The following IQSEC3 variants were observed in gnomAD, a reference collection of about 807,000 sequenced individuals.
IQSEC3 encodes IQ motif and Sec7 domain ArfGEF 3.
Under a neutral mutation model 105.4 loss-of-function variants are expected in IQSEC3, and 50 were observed. The ratio of observed to expected loss-of-function variants is 0.47; its 90% CI spans 0.38 to 0.60. The LOEUF is 0.60. Ranked by LOEUF, IQSEC3 falls within the 20% of genes least tolerant of loss-of-function variation. IQSEC3 has a pLI of 0.00. For missense variants in IQSEC3, 1,415 were observed against 1,630.0 expected (o/e 0.87, Z 2.27); for synonymous variants, 708 against 746.0 (o/e 0.95, Z 0.83).
chr12:168,005 G>C (rs1193213869), intron 11 of IQSEC3, among the ~76,000 whole-genome samples: 2 of 152,214 alleles, frequency 1.3e-5, no homozygotes, highest in Non-Finnish European at 2.9e-5. Flanking sequence ...GGGATGGTGT[G>C]ATTTAGGCAA....
At chr12:128,933 T>C (rs1179001554) in intron 3 of IQSEC3, among the ~76,000 whole-genome samples, 1 of 152,190 alleles carries the variant, frequency 6.6e-6, no homozygotes, top group African/African-American at 2.4e-5. Flanking sequence ...CCCAGCCCCA[T>C]GGGGGTTCCA....
rs1041926645 is a variant in IQSEC3, at chr12:114,406, G to T, written c.624-11227G>T. On this transcript the variant is annotated intron_variant, in intron 2 of 13. Transcript: ENST00000538872. Reference sequence around the variant, plus strand: ...TCTAGTCCGTCCCATGGGATAGCAGGTGTTGGGCGTGGAGAAGAGGCAGTC... The same window carrying T: ...TCTAGTCCGTCCCATGGGATAGCAGTTGTTGGGCGTGGAGAAGAGGCAGTC... Among the ~76,000 whole-genome samples, 5 of 152,216 alleles carry T rather than the reference G, an allele frequency of 3.3e-5. No homozygotes were observed. The East Asian group carries it at 7.7e-4, about 23-fold the overall frequency.
chr12:105,750 G>T (rs1555077721), intron 2 of IQSEC3, among the ~76,000 whole-genome samples: 5 of 152,174 alleles, frequency 3.3e-5, no homozygotes, highest in Non-Finnish European at 2.9e-5. Flanking sequence ...ATTGAGTTTT[G>T]ACTTTCTGTC....
rs187542412 is a variant in IQSEC3, at chr12:168,828, C to T, written c.2972-185C>T. 555 of 603,950 alleles carry T rather than the reference C, an allele frequency of 9.2e-4. 4 individuals carry two copies. Among genetic ancestry groups the T allele is most frequent in the South Asian group, 2.9e-3 (144 of 50,268 alleles). 37.4% of individuals were successfully genotyped at this position (603,950 alleles called of 1,614,324 possible). On this transcript the variant is annotated intron_variant, in intron 11 of 13. Coordinates refer to ENST00000538872, the MANE Select transcript of IQSEC3 (RefSeq NM_001170738.2). The stretch of plus-strand genomic sequence containing the variant: ...TCCCCATGTACAGATGACGAAACTG[C>T]GGCTCCGAGGGGGTATTTAACTTGC...
At chr12:153,573 C>T (rs1187251821) in intron 5 of IQSEC3, among the ~76,000 whole-genome samples, 1 of 152,126 alleles carries the variant, frequency 6.6e-6, no homozygotes, top group Non-Finnish European at 1.5e-5. Context: ...GTCATTTTTT[C>T]CCCCAGGGTC....
At chr12:75,785 G>A (rs1204550729) in intron 1 of IQSEC3, among the ~76,000 whole-genome samples, 1 of 152,270 alleles carries the variant, frequency 6.6e-6, no homozygotes, top group Non-Finnish European at 1.5e-5. Context: ...GAGGTGGGTT[G>A]TGGTATCAGG....
chr12:146,422 T>C (rs1213313162), intron 5 of IQSEC3, among the ~76,000 whole-genome samples: 2 of 152,034 alleles, frequency 1.3e-5, no homozygotes, highest in Admixed American at 6.5e-5. Context: ...TTAGGGCTAC[T>C]GTGAGCTCTT....
chr12:80,503 G>A (rs145353339), intron 1 of IQSEC3, among the ~76,000 whole-genome samples: 1,866 of 152,290 alleles, frequency 0.012, 39 homozygotes, highest in African/African-American at 0.043. Flanking sequence ...AACAAAATTA[G>A]TTCTTTATTC....
chr12:126,624 A>C (rs1865423576), intron 3 of IQSEC3, among the ~76,000 whole-genome samples: 3 of 151,570 alleles, frequency 2.0e-5, no homozygotes, highest in Admixed American at 1.3e-4. Context: ...AGAGCTTTGA[A>C]CTTGGAGATG....
At chr12:127,048 C>T (rs542850778) in intron 3 of IQSEC3, among the ~76,000 whole-genome samples, 3 of 152,104 alleles carry the variant, frequency 2.0e-5, no homozygotes, top group African/African-American at 2.4e-5. Flanking sequence ...GTTCTCAAAC[C>T]GAATTATCCA....
chr12:165,343 T>C, intron 9 of IQSEC3, 91 bp from the exon 10 acceptor site: 1 of 906,138 alleles, frequency 1.1e-6, no homozygotes, highest in Non-Finnish European at 1.8e-6. Flanking sequence ...TGCGTGGGTT[T>C]GTGTGATCGT....
chr12:130,134 C>T (rs1178746591), intron 3 of IQSEC3, among the ~76,000 whole-genome samples: 1 of 152,190 alleles, frequency 6.6e-6, no homozygotes, highest in Admixed American at 6.5e-5. Context: ...GCTGCTCTGT[C>T]GCAGGCCCTG....
Position 113,656 on chromosome 12 carries a change from A to G in IQSEC3, c.624-11977A>G, listed in dbSNP as rs1300350798. Among the ~76,000 whole-genome samples, 3 of 152,356 alleles carry G rather than the reference A, an allele frequency of 2.0e-5. No individual in the cohort carries two copies. The South Asian group carries it at 6.2e-4, about 32-fold the overall frequency. Reference sequence around the variant, plus strand: ...AATCGAGGGAACTGACTCATCAGAAACAAACTCATAAGAGACTGACATATC... The same window carrying G: ...AATCGAGGGAACTGACTCATCAGAAGCAAACTCATAAGAGACTGACATATC... On this transcript the variant is annotated intron_variant, in intron 2 of 13. Transcript: ENST00000538872.
At chr12:135,161 A>G (rs1865723656) in intron 3 of IQSEC3, among the ~76,000 whole-genome samples, 1 of 152,196 alleles carries the variant, frequency 6.6e-6, no homozygotes, top group Non-Finnish European at 1.5e-5. Flanking sequence ...GAAATCTGTC[A>G]GTTTCTCATG....
chr12:154,097 G>A (rs1178645737), intron 5 of IQSEC3, among the ~76,000 whole-genome samples: 1 of 152,146 alleles, frequency 6.6e-6, no homozygotes, highest in Non-Finnish European at 1.5e-5. Context: ...CCCGCTTCGA[G>A]GCCCACGAGG....
intron 11 of IQSEC3, 63 bp downstream of exon 11, chr12:165,953 C>T (rs1477152805): frequency 1.9e-6 from 3 of 1,569,542 alleles, no homozygotes; most frequent in East Asian, 4.5e-5. Context: ...ACAGGGGCAG[C>T]TTGAGACAGA....
intron 12 of IQSEC3, among the ~76,000 whole-genome samples, chr12:169,470 G>C (rs1174171028): frequency 5.3e-5 from 8 of 152,152 alleles, no homozygotes; most frequent in Admixed American, 3.3e-4. Context: ...AGCCCCACGA[G>C]GAACACTCTC....
In IQSEC3 at chr12:125,692, C is replaced by T. The variant is rs377259498; in HGVS notation, c.683C>T (p.Ala228Val). The T allele has an allele frequency of 1.7e-4, 264 of 1,531,946 alleles. No individual in the cohort carries two copies. The highest frequency in any genetic ancestry group is 3.1e-4 in the African/African-American group (22 of 71,568). 94.9% of individuals were successfully genotyped at this position (1,531,946 alleles called of 1,614,324 possible). A position where few individuals can be genotyped will look rare whatever the true frequency, so the allele number is the denominator to read the frequency against. ...GMEDSVVAAA[A>V]VAAGRPSAHA... ...GAGGACTCCGTGGTGGCAGCGGCGGCGGTGGCAGCCGGCAGACCCAGTGCC... is the reference window on the plus strand; with the variant it reads ...GAGGACTCCGTGGTGGCAGCGGCGGTGGTGGCAGCCGGCAGACCCAGTGCC... Residue 228 changes from alanine to valine, a missense_variant, in exon 3 of 14, where the codon GCG becomes GTG. This residue lies in a region of IQSEC3 where 720 missense variants were observed against 633.0 expected (regional missense o/e 1.14). Coordinates refer to ENST00000538872, the MANE Select transcript of IQSEC3 (RefSeq NM_001170738.2).
intron 11 of IQSEC3, 34 bp from the exon 12 acceptor site, chr12:168,979 G>GT (rs1296680188): frequency 1.3e-6 from 2 of 1,587,528 alleles, no homozygotes; most frequent in East Asian, 4.5e-5. Context: ...TGAGGTTAAG[G>GT]TTTCTCTTGC....
Sources: allele counts gnomAD v4.1 joint callset (sites outside exome capture counted in the v4.1 genomes callset), GRCh38; gene constraint gnomAD v4.1.1; regional missense constraint gnomAD v4.1.1; transcripts MANE v1.5; gene names NCBI Gene and HGNC (gene_info 2026-07-23, HGNC 2026-07-21).